Variants in POLA2 observed in about 807,000 individuals in gnomAD.
The protein encoded by POLA2 is DNA polymerase alpha subunit B.
POLA2 carries 47 observed loss-of-function variants against 82.8 expected under a neutral mutation model. That is an observed-to-expected ratio of 0.57 (90% confidence interval 0.45 to 0.72). POLA2 has a LOEUF of 0.72. Among genes scored for constraint, POLA2 ranks in the 30% least tolerant of loss-of-function variants. The pLI is 0.00. For synonymous variants in POLA2, 287 were observed against 286.8 expected (o/e 1.00, Z -0.01); for missense variants, 634 against 728.1 (o/e 0.87, Z 1.49).
chr11:65,276,921 G>T (rs1949586968), intron 5 of POLA2, among the ~76,000 whole-genome samples: 2 of 151,544 alleles, frequency 1.3e-5, no homozygotes, highest in African/African-American at 4.9e-5. Context: ...TTCCCGAGTA[G>T]CTGGGTCTAC....
intron 5 of POLA2, 134 bp from the exon 6 acceptor site, chr11:65,278,596 A>T: frequency 2.7e-6 from 2 of 736,536 alleles, no homozygotes; most frequent in Non-Finnish European, 4.6e-6. Context: ...CAACCCCATT[A>T]AACTGATTCA....
intron 13 of POLA2, among the ~76,000 whole-genome samples, chr11:65,290,142 G>A (rs1949739324): frequency 5.9e-5 from 9 of 151,968 alleles, no homozygotes; most frequent in Admixed American, 3.9e-4. Context: ...CAGCTACTTG[G>A]GAGGCTGAGG....
chr11:65,276,798 T>C (rs1949584996), intron 5 of POLA2, among the ~76,000 whole-genome samples: 1 of 151,154 alleles, frequency 6.6e-6, no homozygotes, highest in South Asian at 2.1e-4. Context: ...CACTTTTTTT[T>C]TTTTTTTTTT....
At chr11:65,292,678 C>T (rs1949767997) in intron 13 of POLA2, among the ~76,000 whole-genome samples, 1 of 152,174 alleles carries the variant, frequency 6.6e-6, no homozygotes, top group African/African-American at 2.4e-5. Context: ...TATGCAAACA[C>T]CTTTGGTCTC....
intron 10 of POLA2, among the ~76,000 whole-genome samples, chr11:65,287,204 C>T (rs1041723940): frequency 3.9e-5 from 6 of 152,104 alleles, no homozygotes; most frequent in Non-Finnish European, 5.9e-5. Flanking sequence ...AAAGGCAAAG[C>T]GTGATGGGTG....
chr11:65,290,148 T>C (rs2137573567), intron 13 of POLA2, among the ~76,000 whole-genome samples: 1 of 150,502 alleles, frequency 6.6e-6, no homozygotes, highest in African/African-American at 2.5e-5. Context: ...CTTGGGAGGC[T>C]GAGGCAGGAG....
chr11:65,294,380 C>A, intron 14 of POLA2, 119 bp downstream of exon 14: 1 of 994,798 alleles, frequency 1.0e-6, no homozygotes. Flanking sequence ...CAGCCTGAAT[C>A]TTAAACTCCT....
At chr11:65,277,149 T>TG (rs1949589992) in intron 5 of POLA2, among the ~76,000 whole-genome samples, 1 of 150,358 alleles carries the variant, frequency 6.7e-6, no homozygotes, top group African/African-American at 2.4e-5. Context: ...TCAAGGTGAG[T>TG]GGTCATTGGA....
chr11:65,287,591 C>G (rs1949710415), intron 10 of POLA2, 125 bp from the exon 11 acceptor site: 8 of 813,976 alleles, frequency 9.8e-6, no homozygotes, highest in Middle Eastern at 3.3e-4. Context: ...CCTTGGGTCC[C>G]CAGAGTTTCA....
At chr11:65,278,657 G>A in intron 5 of POLA2, 73 bp from the exon 6 acceptor site, 1 of 1,287,022 alleles carries the variant, frequency 7.8e-7, no homozygotes, top group Non-Finnish European at 1.1e-6. Flanking sequence ...CATTTCCAAA[G>A]GTAACCTCAT....
chr11:65,277,659 C>T (rs976749663), intron 5 of POLA2, among the ~76,000 whole-genome samples: 6 of 152,180 alleles, frequency 3.9e-5, no homozygotes, highest in Admixed American at 3.3e-4. Context: ...AATGTCAATA[C>T]AATGCTCTGA....
intron 3 of POLA2, 38 bp from the exon 4 acceptor site, chr11:65,268,634 G>C: frequency 7.3e-7 from 1 of 1,376,828 alleles, no homozygotes; most frequent in East Asian, 2.3e-5. Context: ...GAGCTACCGT[G>C]CCCAGCCATT....
chr11:65,271,062 C>G (rs572925389), intron 4 of POLA2, among the ~76,000 whole-genome samples: 3 of 152,214 alleles, frequency 2.0e-5, no homozygotes, highest in Middle Eastern at 3.4e-3. Flanking sequence ...AGAACAAAGC[C>G]CTTCTTCTGT....
intron 5 of POLA2, among the ~76,000 whole-genome samples, chr11:65,276,988 G>A (rs778962044): frequency 5.9e-5 from 9 of 151,440 alleles, no homozygotes; most frequent in East Asian, 3.9e-4. Flanking sequence ...ACGAGGTTTC[G>A]CCTGTTGGCC....
intron 15 of POLA2, 29 bp from the exon 16 acceptor site, chr11:65,295,511 C>A: frequency 6.3e-7 from 1 of 1,598,646 alleles, no homozygotes; most frequent in South Asian, 1.1e-5. Context: ...AAACAGAGTT[C>A]TGTTTTCATG....
intron 17 of POLA2, among the ~76,000 whole-genome samples, chr11:65,296,894 A>G (rs1444840060): frequency 2.0e-5 from 3 of 149,912 alleles, no homozygotes; most frequent in Non-Finnish European, 3.0e-5. Flanking sequence ...GGCTGCAGTG[A>G]GCTGAGATCT....
intron 17 of POLA2, 53 bp from the exon 18 acceptor site, chr11:65,297,067 G>T (rs774139201): frequency 7.1e-5 from 114 of 1,597,246 alleles, no homozygotes; most frequent in Non-Finnish European, 8.6e-5. Context: ...TTTCACATTG[G>T]TTCCCAGTTA....
chr11:65,294,325 T>G, intron 14 of POLA2, 64 bp downstream of exon 14: 1 of 1,364,250 alleles, frequency 7.3e-7, no homozygotes, highest in Non-Finnish European at 1.0e-6. Context: ...CCACTAGCTC[T>G]GGCCCTGAAG....
chr11:65,283,320 C>T (rs1253819209), intron 10 of POLA2, among the ~76,000 whole-genome samples: 2 of 152,040 alleles, frequency 1.3e-5, no homozygotes, highest in Admixed American at 6.6e-5. Context: ...CAGCGATATA[C>T]CAGCATTAAT....
Sources: allele counts gnomAD v4.1 joint callset (sites outside exome capture counted in the v4.1 genomes callset), GRCh38; gene constraint gnomAD v4.1.1; transcripts MANE v1.5; gene names NCBI Gene and HGNC (gene_info 2026-07-23, HGNC 2026-07-21).